Variants in SPATA13 observed in about 807,000 individuals in gnomAD.
SPATA13 encodes spermatogenesis associated 13.
In SPATA13, 50 loss-of-function variants were observed where a neutral mutation model predicts 104.0. The ratio of observed to expected loss-of-function variants is 0.48; its 90% CI spans 0.38 to 0.61. The LOEUF is 0.61. Ranked by LOEUF, SPATA13 falls within the 20% of genes least tolerant of loss-of-function variation. SPATA13 has a pLI of 0.00. For synonymous variants in SPATA13, 606 were observed against 667.5 expected (o/e 0.91, Z 1.42); for missense variants, 1,524 against 1,690.6 (o/e 0.90, Z 1.73).
chr13:24,056,683 C>T lies in SPATA13; in HGVS notation c.-112+38982C>T, dbSNP rs545942100. Among the ~76,000 whole-genome samples, 7 of 152,242 alleles carry T rather than the reference C, an allele frequency of 4.6e-5. No individual in the cohort carries two copies. The East Asian group carries it at 7.7e-4, about 17-fold the overall frequency. On this transcript the variant is annotated intron_variant, in intron 3 of 14. Transcript: ENST00000424834. ...GGAAGGGATGGCTTCTTCGGATGGCCCTGCCTTCTTAGCTGTGAATACATG... is the reference window on the plus strand; with the variant it reads ...GGAAGGGATGGCTTCTTCGGATGGCTCTGCCTTCTTAGCTGTGAATACATG...
rs202056074 is a variant in SPATA13, at chr13:24,201,046, C to G, written c.-111-21773C>G. 9.0e-3 allele frequency among the ~76,000 whole-genome samples: 288 copies of G among 31,938 alleles called. 1 individual carries two copies. The highest frequency in any genetic ancestry group is 0.012 in the African/African-American group (276 of 22,152). 21.0% of individuals were successfully genotyped at this position (31,938 alleles called of 152,430 possible). On this transcript the variant is annotated intron_variant, in intron 1 of 12. Coordinates refer to ENST00000382108, the MANE Select transcript of SPATA13 (RefSeq NM_001166271.3). ...AGCTAGTCAGTCACACACACACACA[C>G]ACACACACACACACACACACAGAGT... is the stretch of plus-strand genomic sequence containing the variant.
intron 3 of SPATA13, among the ~76,000 whole-genome samples, chr13:24,072,825 CT>C (rs11353469): frequency 0.57 from 68,803 of 120,532 alleles, 18,927 homozygotes; most frequent in Admixed American, 0.61. Flanking sequence ...CTGTTGGCTC[CT>C]TTTTTTTTTT....
chr13:23,994,063 C>T (rs905332745), intron 2 of SPATA13, among the ~76,000 whole-genome samples: 5 of 149,730 alleles, frequency 3.3e-5, no homozygotes, highest in Non-Finnish European at 5.9e-5. Context: ...CACGCATTGG[C>T]GTCACAGCCT....
Position 24,306,432 on chromosome 13 carries a change from A to T in SPATA13, c.*3659A>T, listed in dbSNP as rs1877579976. On this transcript the variant is annotated 3_prime_UTR_variant, in exon 13 of 13. Coordinates refer to ENST00000382108, the MANE Select transcript of SPATA13 (RefSeq NM_001166271.3). ...AATTGTCCCTCAAAGGAGTGTCAAG[A>T]AGTATGAATAAATGTCCTTTCACCA... 1.3e-5 allele frequency: 2 copies of T among 152,204 alleles called. No individual in the cohort carries two copies. Among genetic ancestry groups the T allele is most frequent in the South Asian group, 4.1e-4 (2 of 4,838 alleles). The allele number at this position is 152,204 out of a possible 1,614,324, so 9.4% of individuals were successfully genotyped here.
At chr13:24,203,651 G>A (rs984526356) in intron 1 of SPATA13, among the ~76,000 whole-genome samples, 3 of 152,082 alleles carry the variant, frequency 2.0e-5, no homozygotes, top group African/African-American at 7.2e-5. Context: ...AATTTCTGGG[G>A]CTTAAATTTC....
At chr13:24,012,643 C>T (rs1876522908) in intron 2 of SPATA13, among the ~76,000 whole-genome samples, 1 of 152,232 alleles carries the variant, frequency 6.6e-6, no homozygotes, top group Non-Finnish European at 1.5e-5. Flanking sequence ...TCTGTTCCCT[C>T]CCCGTCTTCC....
intron 3 of SPATA13, among the ~76,000 whole-genome samples, chr13:24,106,355 T>A (rs1451740658): frequency 2.0e-5 from 3 of 152,206 alleles, no homozygotes; most frequent in Non-Finnish European, 4.4e-5. Context: ...TTAAAAGAAA[T>A]CTTCCCCATC....
chr13:24,251,423 C>G (rs1236325299), intron 3 of SPATA13: 36 of 960,280 alleles, frequency 3.7e-5, no homozygotes, highest in Non-Finnish European at 4.5e-5. Context: ...CCTAAATGTG[C>G]CTTCATCTTC....
chr13:24,199,745 G>T (rs1292791752), intron 1 of SPATA13, among the ~76,000 whole-genome samples: 1 of 152,232 alleles, frequency 6.6e-6, no homozygotes, highest in Non-Finnish European at 1.5e-5. Context: ...GCGCATAACA[G>T]TGTCAGATCA....
At chr13:24,119,993 C>A (rs1880982351) in intron 3 of SPATA13, among the ~76,000 whole-genome samples, 1 of 152,134 alleles carries the variant, frequency 6.6e-6, no homozygotes, top group Non-Finnish European at 1.5e-5. Context: ...CTCAGCCATC[C>A]CCAGCCCCAC....
At chr13:24,193,851 A>G (rs9318385) in intron 1 of SPATA13, among the ~76,000 whole-genome samples, 71,079 of 152,036 alleles carry the variant, frequency 0.47, 17,761 homozygotes, top group Non-Finnish European at 0.56. Context: ...AAGTGGTCAC[A>G]ATGAGGAAGA....
intron 1 of SPATA13, among the ~76,000 whole-genome samples, chr13:24,182,468 T>C (rs1038422903): frequency 2.7e-5 from 4 of 147,646 alleles, no homozygotes; most frequent in Non-Finnish European, 4.5e-5. Flanking sequence ...GTGTGTCACA[T>C]GATGAGAGAG....
Position 24,303,206 on chromosome 13 carries a change from C to A in SPATA13, c.*433C>A. Reference sequence around the variant, plus strand: ...TGCATTTGATTTTCAAGGATGCCGTCAAGACGGGGTTGACACAATGCTGCA... The same window carrying A: ...TGCATTTGATTTTCAAGGATGCCGTAAAGACGGGGTTGACACAATGCTGCA... On this transcript the variant is annotated 3_prime_UTR_variant, in exon 13 of 13. Coordinates refer to ENST00000382108, the MANE Select transcript of SPATA13 (RefSeq NM_001166271.3). 2.4e-6 allele frequency: 1 copy of A among 410,694 alleles called. No individual in the cohort carries two copies. Among genetic ancestry groups the A allele is most frequent in the Non-Finnish European group, 4.9e-6 (1 of 206,132 alleles). The allele number at this position is 410,694 out of a possible 1,614,324, so 25.4% of individuals were successfully genotyped here. A position where few individuals can be genotyped will look rare whatever the true frequency, so the allele number is the denominator to read the frequency against.
chr13:24,094,250 C>T (rs1214075109), intron 3 of SPATA13, among the ~76,000 whole-genome samples: 2 of 152,108 alleles, frequency 1.3e-5, no homozygotes, highest in African/African-American at 4.8e-5. Context: ...AGGACTTTGG[C>T]GAGAACATCG....
intron 2 of SPATA13, among the ~76,000 whole-genome samples, chr13:23,991,739 A>G (rs1875426229): frequency 6.6e-6 from 1 of 152,102 alleles, no homozygotes; most frequent in Non-Finnish European, 1.5e-5. Flanking sequence ...TAATCATCCC[A>G]CAGTGACCTT....
At chr13:24,081,919 G>A (rs1004563400) in intron 3 of SPATA13, among the ~76,000 whole-genome samples, 1 of 152,174 alleles carries the variant, frequency 6.6e-6, no homozygotes, top group African/African-American at 2.4e-5. Flanking sequence ...TGGTGCTGGT[G>A]CTCTCTGGGA....
chr13:23,999,119 G>T (rs1875829067), intron 2 of SPATA13, among the ~76,000 whole-genome samples: 1 of 151,852 alleles, frequency 6.6e-6, no homozygotes, highest in Non-Finnish European at 1.5e-5. Context: ...TAGAGATGGG[G>T]TTTTGCCATG....
At chr13:24,031,496 C>T (rs1056288892) in intron 3 of SPATA13, among the ~76,000 whole-genome samples, 1 of 152,166 alleles carries the variant, frequency 6.6e-6, no homozygotes, top group Admixed American at 6.5e-5. Flanking sequence ...TATGACTAGA[C>T]ATATGCTTGG....
chr13:24,084,314 C>CT (rs905104562), intron 3 of SPATA13, among the ~76,000 whole-genome samples: 1 of 152,164 alleles, frequency 6.6e-6, no homozygotes, highest in Non-Finnish European at 1.5e-5. Flanking sequence ...AGTTCTGCTT[C>CT]TTTTGAGAAA....
Sources: allele counts gnomAD v4.1 joint callset (sites outside exome capture counted in the v4.1 genomes callset), GRCh38; gene constraint gnomAD v4.1.1; transcripts MANE v1.5; gene names NCBI Gene and HGNC (gene_info 2026-07-23, HGNC 2026-07-21).